The following HPSE2 variants were observed in gnomAD, a reference collection of about 807,000 sequenced individuals.
The protein encoded by HPSE2 is inactive heparanase-2.
In HPSE2, 38 loss-of-function variants were observed where a neutral mutation model predicts 60.5. The observed-to-expected ratio is 0.63, with a 90% CI of 0.48 to 0.82. The LOEUF (loss-of-function observed/expected upper bound fraction) is 0.82, where lower values mean the gene tolerates loss of function less well. Among genes scored for constraint, HPSE2 ranks in the 40% least tolerant of loss-of-function variants. HPSE2 has a pLI of 0.00. For missense variants in HPSE2, 713 were observed against 740.4 expected (o/e 0.96, Z 0.43); for synonymous variants, 295 against 293.2 (o/e 1.01, Z -0.06).
intron 3 of HPSE2, among the ~76,000 whole-genome samples, chr10:98,778,756 A>C (rs1950402983): frequency 6.6e-6 from 1 of 152,210 alleles, no homozygotes; most frequent in Admixed American, 6.5e-5. Flanking sequence ...GTTCATCTAT[A>C]AAGTAGATGA....
At position 98,735,455 on chromosome 10, in the gene HPSE2, G is replaced by A. The variant is rs759889957; in HGVS notation, c.784+8428C>T. Among the ~76,000 whole-genome samples, 158 of 151,672 alleles carry A rather than the reference G, an allele frequency of 1.0e-3. 2 individuals are homozygous for A. The highest frequency in any genetic ancestry group is 1.7e-3 in the Non-Finnish European group (117 of 67,932). ...TGTTAGGGCAGTGTGGAAGGGAGAA[G>A]TGGGGTTGAAGCCCCCATAAAGAGT... On this transcript the variant is annotated intron_variant, in intron 4 of 11. Transcript: ENST00000370552.
chr10:98,957,634 G>T (rs909398390), intron 3 of HPSE2, among the ~76,000 whole-genome samples: 1 of 152,120 alleles, frequency 6.6e-6, no homozygotes, highest in Non-Finnish European at 1.5e-5. Flanking sequence ...GCAGTCTTCT[G>T]ATTCCATAGC....
Position 98,939,499 on chromosome 10 carries a change from T to C in HPSE2, c.611-195443A>G, listed in dbSNP as rs552935186. Among the ~76,000 whole-genome samples the C allele has an allele frequency of 4.9e-5, 7 of 143,368 alleles. No homozygotes were observed. The East Asian group carries it at 1.2e-3, about 24-fold the overall frequency. The allele number at this position is 143,368 out of a possible 152,430, so 94.1% of individuals were successfully genotyped here. On this transcript the variant is annotated intron_variant, in intron 3 of 11. Transcript: ENST00000370552. Reference sequence around the variant, plus strand: ...AGAGACAAAGAAGGCCATTACATAATGGTAAAGGGATCAATTCAACAAGAA... The same window carrying C: ...AGAGACAAAGAAGGCCATTACATAACGGTAAAGGGATCAATTCAACAAGAA...
At chr10:98,673,029 G>A (rs573198755) in intron 6 of HPSE2, among the ~76,000 whole-genome samples, 8 of 152,244 alleles carry the variant, frequency 5.3e-5, no homozygotes, top group South Asian at 2.1e-4. Flanking sequence ...TGAAATCAGC[G>A]TTCTGAGGGT....
At chr10:98,479,357 C>A (rs1941144519) in intron 11 of HPSE2, among the ~76,000 whole-genome samples, 1 of 152,328 alleles carries the variant, frequency 6.6e-6, no homozygotes, top group Non-Finnish European at 1.5e-5. Flanking sequence ...CTAGCAGACA[C>A]AGAACACAGA....
intron 2 of HPSE2, among the ~76,000 whole-genome samples, chr10:99,184,863 G>GAGAGAGAGAGAC (rs796284708): frequency 1.9e-5 from 2 of 106,490 alleles, no homozygotes; most frequent in East Asian, 3.3e-4. Flanking sequence ...GAGAGAGAGA[G>GAGAGAGAGAGAC]ACAGAAACAC....
At chr10:98,720,825 G>A (rs1948903883) in intron 5 of HPSE2, among the ~76,000 whole-genome samples, 1 of 152,110 alleles carries the variant, frequency 6.6e-6, no homozygotes, top group Non-Finnish European at 1.5e-5. Flanking sequence ...TAGAAATAAG[G>A]AAAGGGTCAT....
chr10:99,232,166 C>T (rs372769041), intron 2 of HPSE2, among the ~76,000 whole-genome samples, 182 bp downstream of exon 2: 1 of 151,794 alleles, frequency 6.6e-6, no homozygotes, highest in African/African-American at 2.4e-5. Flanking sequence ...CATTTTCAGG[C>T]GAGGTGCAAC....
intron 2 of HPSE2, among the ~76,000 whole-genome samples, chr10:99,193,994 C>G (rs1303209557): frequency 6.6e-6 from 1 of 151,976 alleles, no homozygotes; most frequent in African/African-American, 2.4e-5. Flanking sequence ...ATCCTCGGTA[C>G]ATAGGTCATT....
intron 2 of HPSE2, among the ~76,000 whole-genome samples, chr10:99,166,303 GTTGAC>G (rs1275786328): frequency 1.3e-5 from 2 of 152,162 alleles, no homozygotes; most frequent in Non-Finnish European, 2.9e-5. Context: ...TTAGTTTTCA[GTTGAC>G]TTGAGTAAAT....
intron 9 of HPSE2, among the ~76,000 whole-genome samples, chr10:98,530,636 G>C (rs957983898): frequency 3.9e-5 from 6 of 152,352 alleles, no homozygotes; most frequent in South Asian, 2.1e-4. Flanking sequence ...CTCTGCATTA[G>C]AGAGGTGGCA....
chr10:99,267,807 A>G, the HPSE2 span, among the ~76,000 whole-genome samples: 1 of 151,988 alleles, frequency 6.6e-6, no homozygotes, highest in African/African-American at 2.4e-5. Context: ...CAAACAAAAA[A>G]AAACACTAAA....
At chr10:99,266,018 CA>C in the HPSE2 span, among the ~76,000 whole-genome samples, 1 of 152,220 alleles carries the variant, frequency 6.6e-6, no homozygotes, top group Non-Finnish European at 1.5e-5. Context: ...GACTTTGTCT[CA>C]CAGAGGTTCT....
the HPSE2 span, among the ~76,000 whole-genome samples, chr10:99,260,757 C>T: frequency 3.9e-4 from 59 of 152,294 alleles, no homozygotes; most frequent in East Asian, 0.011. Flanking sequence ...GCTGCTCACC[C>T]ACATTGCAGC....
In HPSE2 at chr10:98,598,380, T is replaced by C. The variant is rs148462018; in HGVS notation, c.1320+16524A>G. 4.3e-3 allele frequency among the ~76,000 whole-genome samples: 651 copies of C among 151,844 alleles called. 3 individuals are homozygous for C. The highest frequency in any genetic ancestry group is 0.015 in the African/African-American group (627 of 41,440). ...GGCTGGGCCTGGATCCTGGATCCAC[T>C]GTGGTAGACTTATTAATTGGGTCAA... On this transcript the variant is annotated intron_variant, in intron 9 of 11. Transcript: ENST00000370552.
chr10:99,161,269 A>G (rs143979670), intron 2 of HPSE2, among the ~76,000 whole-genome samples: 202 of 152,240 alleles, frequency 1.3e-3, no homozygotes, highest in Non-Finnish European at 2.3e-3. Flanking sequence ...AGCATTATGC[A>G]TAACAGCCAA....
intron 3 of HPSE2, among the ~76,000 whole-genome samples, chr10:98,850,783 A>ATACCCCTG (rs1284181945): frequency 1.3e-5 from 2 of 151,796 alleles, no homozygotes; most frequent in Non-Finnish European, 1.5e-5. Flanking sequence ...AACCTTCCTA[A>ATACCCCTG]TACCCCTGCA....
chr10:98,653,574 G>A (rs1946977904), intron 6 of HPSE2, among the ~76,000 whole-genome samples: 2 of 150,126 alleles, frequency 1.3e-5, no homozygotes, highest in African/African-American at 2.4e-5. Context: ...AATGAATCTC[G>A]GTGTATCTTC....
intron 3 of HPSE2, among the ~76,000 whole-genome samples, chr10:99,103,369 A>T (rs1844096649): frequency 6.6e-6 from 1 of 152,180 alleles, no homozygotes; most frequent in Admixed American, 6.5e-5. Context: ...ATCATCAGTG[A>T]ACTCCCATTC....
Sources: allele counts gnomAD v4.1 joint callset (sites outside exome capture counted in the v4.1 genomes callset), GRCh38; gene constraint gnomAD v4.1.1; transcripts MANE v1.5; gene names NCBI Gene and HGNC (gene_info 2026-07-23, HGNC 2026-07-21).